Variants in ARHGEF40 observed in about 807,000 individuals in gnomAD.
ARHGEF40 encodes the protein Rho guanine nucleotide exchange factor 40, also known as Rho guanine nucleotide exchange factor (GEF) 40.
In ARHGEF40, 98 loss-of-function variants were observed where a neutral mutation model predicts 165.9. The ratio of observed to expected loss-of-function variants is 0.59; its 90% CI spans 0.50 to 0.70. The LOEUF (loss-of-function observed/expected upper bound fraction) is 0.70. ARHGEF40 is among the 30% of genes least tolerant of loss of function. ARHGEF40 has a pLI of 0.00. For synonymous variants in ARHGEF40, 792 were observed against 814.3 expected, an observed-to-expected ratio of 0.97 and a Z score of 0.47; for missense variants, 1,815 against 1,968.0, an observed-to-expected ratio of 0.92 and a Z score of 1.47.
At chr14:21,066,344 G>A (rs561567403), upstream of ARHGEF40, among the ~76,000 whole-genome samples, 5 of 150,076 alleles carry the variant, frequency 3.3e-5, no homozygotes, top group South Asian at 8.4e-4. Context: ...TTTTGGAGAC[G>A]GAGTCTCACT....
rs200893240 is a variant in ARHGEF40, at chr14:21,087,970, C to T, written c.4390C>T (p.Pro1464Ser). ...TCTCACCCTAGCTTCCCCTTCAGCC[C>T]CAGAAACACTTGACTCTTCTGGAGA... is the stretch of plus-strand genomic sequence containing the variant. ...DLDVKQISLAPETLDSSGDVS... is the reference protein window; with the variant it reads ...DLDVKQISLASETLDSSGDVS... Residue 1464 changes from proline to serine, a missense_variant and splice_region_variant, in exon 22 of 24, where the codon CCA becomes TCA. Physicochemically the swap from Pro to Ser is moderately conservative, Grantham distance 74. Transcript: ENST00000298694. 4.2e-5 allele frequency: 67 copies of T among 1,613,996 alleles called. No individual in the cohort carries two copies. Among genetic ancestry groups the T allele is most frequent in the Non-Finnish European group, 5.3e-5 (62 of 1,180,008 alleles).
rs201192331 is a variant in ARHGEF40 at position 21,078,325 on chromosome 14, G to A, written c.2131-48G>A. Reference sequence around the variant, plus strand: ...GATGGGATTGGGATGGGGCTGGGGTGGAGACTCTCTGGTGGAACCCCAACT... The same window carrying A: ...GATGGGATTGGGATGGGGCTGGGGTAGAGACTCTCTGGTGGAACCCCAACT... On this transcript the variant is annotated intron_variant, in intron 9 of 23. Transcript: ENST00000298694. 6.9e-6 allele frequency: 11 copies of A among 1,601,102 alleles called. No individual in the cohort carries two copies. The Admixed American group carries it at 1.0e-4, about 15-fold the overall frequency.
At position 21,078,368 on chromosome 14, in the gene ARHGEF40, C is replaced by A; in HGVS notation, c.2131-5C>A. The A allele has an allele frequency of 3.7e-6, 6 of 1,601,568 alleles. No individual in the cohort carries two copies. Among genetic ancestry groups the A allele is most frequent in the Middle Eastern group, 1.7e-4 (1 of 6,006 alleles). ...CCCCAACTGGCAACTCCTCCCTATC[C>A]CCAGGAGGCAGTGGGAATGCCCAAG... On this transcript the variant is annotated splice_polypyrimidine_tract_variant and splice_region_variant and intron_variant, in intron 9 of 23. Coordinates refer to ENST00000298694, the MANE Select transcript of ARHGEF40 (RefSeq NM_018071.5).
In ARHGEF40 at chr14:21,072,883, C is replaced by T. The variant is rs1048058359; in HGVS notation, c.4-162C>T. 6.6e-6 allele frequency among the ~76,000 whole-genome samples: 1 copy of T among 152,230 alleles called. No homozygotes were observed. Among genetic ancestry groups the T allele is most frequent in the Non-Finnish European group, 1.5e-5 (1 of 68,038 alleles). The stretch of plus-strand genomic sequence containing the variant: ...TGTGCACTCTGGCCCAGCCCCACTC[C>T]TGTTCTGGGCTCATCAGCCAGCATT... On this transcript the variant is annotated intron_variant, in intron 1 of 23. Transcript: ENST00000298694. The surrounding 1 kb of genome is among the most constrained non-coding windows in gnomAD (Gnocchi z 4.1).
chr14:21,077,500 G>A (rs1328136291), intron 8 of ARHGEF40, among the ~76,000 whole-genome samples: 1 of 152,128 alleles, frequency 6.6e-6, no homozygotes, highest in East Asian at 1.9e-4. Context: ...AAGAGTGCAA[G>A]ATAGTGTCAT....
rs1388738712 is a variant in ARHGEF40, at chr14:21,081,842, T to A, written c.2974T>A (p.Leu992Met). ...CAGCCCCTCGCCCAGCCTCAGCTCC[T>A]TGCTGCTCCCCAGCAGCCCTGGGCC... is the stretch of plus-strand genomic sequence containing the variant. Reference protein sequence around the residue: ...PRSPSPSLSSLLLPSSPGPRP... With the variant: ...PRSPSPSLSSMLLPSSPGPRP... Residue 992 changes from leucine (L) to methionine (M), a missense_variant, in exon 14 of 24, where the codon TTG becomes ATG. Transcript: ENST00000298694. 2 of 1,611,140 alleles carry A rather than the reference T, an allele frequency of 1.2e-6. No homozygotes were observed. The highest frequency in any genetic ancestry group is 1.7e-6 in the Non-Finnish European group (2 of 1,179,272).
chr14:21,084,784 A>T lies in ARHGEF40; in HGVS notation c.3821A>T (p.His1274Leu). 1.2e-6 allele frequency: 2 copies of T among 1,614,038 alleles called. No homozygotes were observed. The highest frequency in any genetic ancestry group is 1.1e-5 in the South Asian group (1 of 91,080). ...IDLKEQGQLL[H>L]RDPFTVICGR... is the part of the protein sequence containing the mutation. ...CTGAAGGAGCAGGGACAGCTCTTGC[A>T]TCGAGACCCCTTCACTGTCATCTGT... The change falls in exon 18 of 24, where the codon CAT (histidine) becomes CTT (leucine). Residue 1274 changes from histidine (H) to leucine (L), a missense_variant. His to Leu is a moderately conservative substitution (Grantham distance 99). Transcript: ENST00000298694.
At chr14:21,084,535 G>A (rs1257955691) in intron 17 of ARHGEF40, among the ~76,000 whole-genome samples, 1 of 152,202 alleles carries the variant, frequency 6.6e-6, no homozygotes, top group Non-Finnish European at 1.5e-5. Context: ...ACTATGCAGA[G>A]CACCTTGCCG....
rs771787282 is a variant in ARHGEF40, at chr14:21,072,864, C to T, written c.4-181C>T. Among the ~76,000 whole-genome samples, 49 of 152,232 alleles carry T rather than the reference C, an allele frequency of 3.2e-4. No individual in the cohort carries two copies. The highest frequency in any genetic ancestry group is 6.3e-4 in the Non-Finnish European group (43 of 68,030). On this transcript the variant is annotated intron_variant, in intron 1 of 23. Transcript: ENST00000298694. The surrounding 1 kb of genome is among the most constrained non-coding windows in gnomAD (Gnocchi z 4.1). ...TTGAGCGCCCTGCCAGGTTTGTGCA[C>T]TCTGGCCCAGCCCCACTCCTGTTCT...
At position 21,085,800 on chromosome 14, in the gene ARHGEF40, G is replaced by C. The variant is rs774043761; in HGVS notation, c.4072G>C (p.Glu1358Gln). 1 of 1,614,212 alleles carries C rather than the reference G, an allele frequency of 6.2e-7. No individual in the cohort carries two copies. The highest frequency in any genetic ancestry group is 8.5e-7 in the Non-Finnish European group (1 of 1,180,046). ...EAYTLQATSP[E>Q]IKLKWTSSIA... ...ATACACTCTGCAGGCAACCTCACCA[G>C]AGATCAAACTCAAGTGGACAAGTTC... Residue 1358 changes from glutamate (E) to glutamine (Q), a missense_variant, in exon 19 of 24, where the codon GAG (glutamate) becomes CAG (glutamine). Glu to Gln is a conservative substitution (Grantham distance 29). Transcript: ENST00000298694.
In ARHGEF40 at chr14:21,087,444, C is replaced by T. The variant is rs377570437; in HGVS notation, c.4368C>T (p.Asp1456=). The change falls in exon 21 of 24, where the codon GAC becomes GAT. Residue 1456 remains aspartate (D), a synonymous_variant. Coordinates refer to ENST00000298694, the MANE Select transcript of ARHGEF40 (RefSeq NM_018071.5). ...ARVEEEAWDL[D]VKQISLAPET... is the part of the protein sequence containing the mutation. ...TCGAGGAGGAGGCCTGGGATCTGGACGTCAAGCAAATTTCCCTGGGTGAGG... is the reference window on the plus strand; with the variant it reads ...TCGAGGAGGAGGCCTGGGATCTGGATGTCAAGCAAATTTCCCTGGGTGAGG... 1.7e-5 allele frequency: 27 copies of T among 1,600,660 alleles called. No homozygotes were observed. The highest frequency in any genetic ancestry group is 1.2e-4 in the African/African-American group (9 of 74,934).
chr14:21,080,818 G>C (rs888139859), intron 12 of ARHGEF40, 36 bp downstream of exon 12: 1 of 1,603,300 alleles, frequency 6.2e-7, no homozygotes, highest in South Asian at 1.1e-5. Context: ...AGAGGAGGCA[G>C]GGGGAGACTA....
rs768727846 is a variant in ARHGEF40 at position 21,073,200 on chromosome 14, A to G, written c.159A>G (p.Val53=). 3.7e-6 allele frequency: 6 copies of G among 1,613,700 alleles called. No homozygotes were observed. The highest frequency in any genetic ancestry group is 3.4e-4 in the Middle Eastern group (2 of 5,956). Residue 53 remains valine (V), a synonymous_variant, in exon 2 of 24, where the codon GTA becomes GTG. Transcript: ENST00000298694. This position sits in a 1 kb window ranked among gnomAD's most constrained non-coding sequence, Gnocchi z 4.6. ...DALRYTLDFL[V]PAKHLLAKVQ... is the part of the protein sequence containing the mutation. ...TGAGGTACACGCTGGACTTCCTGGT[A>G]CCAGCCAAGCACCTGCTTGCCAAGG...
chr14:21,063,622 G>T, the ARHGEF40 span, among the ~76,000 whole-genome samples: 1 of 152,164 alleles, frequency 6.6e-6, no homozygotes, highest in South Asian at 2.1e-4. Flanking sequence ...ATGACTTCAC[G>T]CTGTTGGAAT....
At position 21,072,948 on chromosome 14, in the gene ARHGEF40, G is replaced by T. The variant is rs1887095451; in HGVS notation, c.4-97G>T. 1 of 1,259,268 alleles carries T rather than the reference G, an allele frequency of 7.9e-7. No homozygotes were observed. The highest frequency in any genetic ancestry group is 2.1e-5 in the Admixed American group (1 of 48,110). 78.0% of individuals were successfully genotyped at this position (1,259,268 alleles called of 1,614,324 possible). A position where few individuals can be genotyped will look rare whatever the true frequency, so the allele number is the denominator to read the frequency against. Reference sequence around the variant, plus strand: ...TTTTTGCCCACATTGTACAATCGGGGCTTTGGAGAACACAGCCAACCCCAG... The same window carrying T: ...TTTTTGCCCACATTGTACAATCGGGTCTTTGGAGAACACAGCCAACCCCAG... On this transcript the variant is annotated intron_variant, in intron 1 of 23. Transcript: ENST00000298694. The surrounding 1 kb of genome is among the most constrained non-coding windows in gnomAD (Gnocchi z 4.1).
rs769023978 is a variant in ARHGEF40 at position 21,075,425 on chromosome 14, C to T, written c.1544C>T (p.Ala515Val). Residue 515 changes from alanine (A) to valine (V), a missense_variant, in exon 4 of 24, where the codon GCC (alanine) becomes GTC (valine). Coordinates refer to ENST00000298694, the MANE Select transcript of ARHGEF40 (RefSeq NM_018071.5). This position sits in a 1 kb window ranked among gnomAD's most constrained non-coding sequence, Gnocchi z 4.5. Reference protein sequence around the residue: ...EGKGDNIPEEALAVSVSDHPD... With the variant: ...EGKGDNIPEEVLAVSVSDHPD... ...AAAGGGGACAACATTCCAGAAGAGGCCCTTGCAGTCTCCGTCTCTGATCAC... is the reference window on the plus strand; with the variant it reads ...AAAGGGGACAACATTCCAGAAGAGGTCCTTGCAGTCTCCGTCTCTGATCAC... 1.1e-5 allele frequency: 17 copies of T among 1,614,066 alleles called. No homozygotes were observed. The highest frequency in any genetic ancestry group is 1.4e-5 in the Non-Finnish European group (17 of 1,180,036).
In ARHGEF40 at chr14:21,074,378, ACTTCCTGAG is replaced by A. The variant is rs1566522905; in HGVS notation, c.649_657del (p.Leu217_Glu219del). 1 of 1,613,812 alleles carries A rather than the reference ACTTCCTGAG, an allele frequency of 6.2e-7. No individual in the cohort carries two copies. The highest frequency in any genetic ancestry group is 1.1e-5 in the South Asian group (1 of 91,068). ...GACCTCCAGGGCTTCCCAGCCCTCCACTTCCTGAGGAGGCGCTGGGTACCCGGAGTCCTG... is the reference window on the plus strand; with the variant it reads ...GACCTCCAGGGCTTCCCAGCCCTCCAGAGGCGCTGGGTACCCGGAGTCCTG... On this transcript the variant is annotated inframe_deletion, in exon 3 of 24. Transcript: ENST00000298694. The surrounding 1 kb of genome is among the most constrained non-coding windows in gnomAD (Gnocchi z 4.8).
rs111715554 is a variant in ARHGEF40, at chr14:21,074,579, C to T, written c.849C>T (p.His283=). The change falls in exon 3 of 24, where the codon CAC becomes CAT. Residue 283 remains histidine, a synonymous_variant. Coordinates refer to ENST00000298694, the MANE Select transcript of ARHGEF40 (RefSeq NM_018071.5). The surrounding 1 kb of genome is among the most constrained non-coding windows in gnomAD (Gnocchi z 4.8). ...TRKGAGGKGR[H]RRHRAWMHQK... is the part of the protein sequence containing the mutation. ...AGGGCGCTGGAGGGAAGGGCCGCCACCGGAGACACCGGGCGTGGATGCACC... is the reference window on the plus strand; with the variant it reads ...AGGGCGCTGGAGGGAAGGGCCGCCATCGGAGACACCGGGCGTGGATGCACC... The T allele has an allele frequency of 9.6e-4, 1,497 of 1,558,598 alleles. 18 individuals carry two copies. The African/African-American group carries it at 0.018, about 19-fold the overall frequency.
Position 21,080,869 on chromosome 14 carries a change from C to T in ARHGEF40, c.2497-4C>T. ...CAGGTCTGAGCGCAGCCTCCCTTCTCCAGGAGCGCCTGGCCCAGGCACGGG... is the reference window on the plus strand; with the variant it reads ...CAGGTCTGAGCGCAGCCTCCCTTCTTCAGGAGCGCCTGGCCCAGGCACGGG... On this transcript the variant is annotated splice_region_variant and splice_polypyrimidine_tract_variant and intron_variant, in intron 12 of 23. Coordinates refer to ENST00000298694, the MANE Select transcript of ARHGEF40 (RefSeq NM_018071.5). 1 of 1,613,064 alleles carries T rather than the reference C, an allele frequency of 6.2e-7. No homozygotes were observed. The highest frequency in any genetic ancestry group is 8.5e-7 in the Non-Finnish European group (1 of 1,179,442).
Sources: allele counts gnomAD v4.1 joint callset (sites outside exome capture counted in the v4.1 genomes callset), GRCh38; gene constraint gnomAD v4.1.1; non-coding constraint Gnocchi (gnomAD v3.1); transcripts MANE v1.5; gene names NCBI Gene and HGNC (gene_info 2026-07-23, HGNC 2026-07-21).